Variants in WWOX observed in about 807,000 individuals in gnomAD.
The protein encoded by WWOX is WW domain-containing oxidoreductase.
Under a neutral mutation model 46.2 loss-of-function variants are expected in WWOX, and 69 were observed. The ratio of observed to expected loss-of-function variants is 1.49; its 90% CI spans 1.23 to 1.82. The LOEUF is 1.82. WWOX is among the 40% of genes most tolerant of loss of function. WWOX has a pLI of 0.00. For synonymous variants in WWOX, 359 were observed against 202.6 expected (o/e 1.77, Z -6.56); for missense variants, 919 against 542.6 (o/e 1.69, Z -6.89).
intron 8 of WWOX, among the ~76,000 whole-genome samples, chr16:78,994,177 A>G (rs1312506953): frequency 1.3e-5 from 2 of 152,176 alleles, no homozygotes; most frequent in East Asian, 1.9e-4. Flanking sequence ...ACTGCATCAC[A>G]TCGATTCTCT....
intron 5 of WWOX, among the ~76,000 whole-genome samples, chr16:78,365,523 G>A (rs562668079): frequency 2.0e-5 from 3 of 152,170 alleles, no homozygotes; most frequent in Admixed American, 2.0e-4. Context: ...AAAAGATTCA[G>A]ATTCCTGCTG....
chr16:78,891,197 T>C (rs2044582811), intron 8 of WWOX: 1 of 152,196 alleles, frequency 6.6e-6, no homozygotes, highest in Non-Finnish European at 1.5e-5. Context: ...GTTTTTCACC[T>C]CTTTTGTCTC....
chr16:78,641,478 C>G (rs950995176), intron 8 of WWOX, among the ~76,000 whole-genome samples: 7 of 152,112 alleles, frequency 4.6e-5, no homozygotes, highest in Admixed American at 6.6e-5. Context: ...ACCCAATCCC[C>G]TCTCACGCCC....
At position 78,775,687 on chromosome 16, in the gene WWOX, A is replaced by G. The variant is rs150800887; in HGVS notation, c.1056+342935A>G. On this transcript the variant is annotated intron_variant, in intron 8 of 8. Transcript: ENST00000566780. ...GAGCCTTAGTAATATGGTGCGAGCA[A>G]TGGTTCACATAGGGGACAGGTGTTC... Among the ~76,000 whole-genome samples the G allele has an allele frequency of 4.4e-3, 673 of 152,294 alleles. 7 individuals carry two copies. Among genetic ancestry groups the G allele is most frequent in the South Asian group, 0.02 (94 of 4,814 alleles).
chr16:78,512,624 G>A (rs2049670873), intron 8 of WWOX, among the ~76,000 whole-genome samples: 1 of 152,156 alleles, frequency 6.6e-6, no homozygotes, highest in African/African-American at 2.4e-5. Flanking sequence ...TATGTGCGGA[G>A]CCTTAAAGGA....
chr16:78,988,954 T>A (rs1158231861), intron 8 of WWOX, among the ~76,000 whole-genome samples: 1 of 152,156 alleles, frequency 6.6e-6, no homozygotes. Context: ...TCATTTTGCT[T>A]CAGGAACTAG....
chr16:78,354,037 A>T lies in WWOX; in HGVS notation c.517-32823A>T, dbSNP rs577280292. On this transcript the variant is annotated intron_variant, in intron 5 of 8. Coordinates refer to ENST00000566780, the MANE Select transcript of WWOX (RefSeq NM_016373.4). ...TATTTTCTTCATAAGAATTCAGTCTACGCAAGGGTATTAGGCAGCTTGTTT... is the reference window on the plus strand; with the variant it reads ...TATTTTCTTCATAAGAATTCAGTCTTCGCAAGGGTATTAGGCAGCTTGTTT... Among the ~76,000 whole-genome samples the T allele has an allele frequency of 5.3e-5, 8 of 152,324 alleles. No homozygotes were observed. The South Asian group carries it at 1.7e-3, about 32-fold the overall frequency.
At chr16:79,170,299 A>G (rs910490943) in intron 8 of WWOX, among the ~76,000 whole-genome samples, 2 of 152,218 alleles carry the variant, frequency 1.3e-5, no homozygotes, top group Admixed American at 6.5e-5. Flanking sequence ...GAGGAAATAG[A>G]GGATCAGAGA....
intron 5 of WWOX, among the ~76,000 whole-genome samples, chr16:78,261,090 T>C (rs1342783665): frequency 6.6e-6 from 1 of 151,376 alleles, no homozygotes; most frequent in East Asian, 1.9e-4. Flanking sequence ...CGAAGTTTTT[T>C]TTTGAATGTT....
At chr16:79,070,569 A>G (rs939595155) in intron 8 of WWOX, among the ~76,000 whole-genome samples, 1 of 152,208 alleles carries the variant, frequency 6.6e-6, no homozygotes, top group Admixed American at 6.5e-5. Flanking sequence ...TGAGTGAGGC[A>G]GACGGGCAGT....
At chr16:78,748,094 C>G (rs1301406331) in intron 8 of WWOX, among the ~76,000 whole-genome samples, 3 of 152,122 alleles carry the variant, frequency 2.0e-5, no homozygotes, top group Admixed American at 6.5e-5. Flanking sequence ...AGACTCTGCT[C>G]TTTCTCTCCC....
At chr16:78,861,841 C>T (rs1250276891) in intron 8 of WWOX, among the ~76,000 whole-genome samples, 2 of 152,170 alleles carry the variant, frequency 1.3e-5, no homozygotes, top group Non-Finnish European at 2.9e-5. Flanking sequence ...ATTAAATACA[C>T]CATGTTTCCA....
At chr16:78,748,953 G>T (rs755226057) in intron 8 of WWOX, among the ~76,000 whole-genome samples, 2 of 152,196 alleles carry the variant, frequency 1.3e-5, no homozygotes, top group South Asian at 2.1e-4. Flanking sequence ...CTTTATGCCC[G>T]TAGGGCCGTG....
chr16:79,105,231 T>C (rs1015337042), intron 8 of WWOX, among the ~76,000 whole-genome samples: 3 of 152,210 alleles, frequency 2.0e-5, no homozygotes, highest in African/African-American at 7.2e-5. Context: ...CAGTCTGCTA[T>C]TGTTTTGAAT....
At chr16:78,259,859 T>A (rs1170730886) in intron 5 of WWOX, among the ~76,000 whole-genome samples, 1 of 151,234 alleles carries the variant, frequency 6.6e-6, no homozygotes, top group African/African-American at 2.4e-5. Flanking sequence ...TTATGTACAG[T>A]GATGTTTATG....
chr16:78,428,068 A>G (rs1214518123), intron 7 of WWOX, among the ~76,000 whole-genome samples: 1 of 152,234 alleles, frequency 6.6e-6, no homozygotes, highest in Non-Finnish European at 1.5e-5. Flanking sequence ...ACCCTGTTTC[A>G]GAAAACAAAA....
intron 8 of WWOX, among the ~76,000 whole-genome samples, chr16:78,809,799 T>C (rs1020903977): frequency 2.0e-5 from 3 of 152,068 alleles, no homozygotes; most frequent in East Asian, 3.9e-4. Flanking sequence ...GTGTGTTCAG[T>C]GTGTGAGCTC....
chr16:79,037,540 A>T (rs983996131), intron 8 of WWOX, among the ~76,000 whole-genome samples: 2 of 152,092 alleles, frequency 1.3e-5, no homozygotes, highest in African/African-American at 4.8e-5. Flanking sequence ...ACTGCTGATG[A>T]GTGACAGAGA....
chr16:79,032,503 A>G (rs1440029600), intron 8 of WWOX, among the ~76,000 whole-genome samples: 1 of 148,258 alleles, frequency 6.7e-6, no homozygotes, highest in Non-Finnish European at 1.5e-5. Flanking sequence ...GACTATACAC[A>G]TATACAGCTA....
Sources: gnomAD v4.1 joint callset for allele counts (sites outside exome capture counted in the v4.1 genomes callset) on GRCh38, gnomAD v4.1.1 for gene constraint, MANE v1.5 for transcripts, NCBI Gene and HGNC (gene_info 2026-07-23, HGNC 2026-07-21) for gene names.